PARD3: variants seen among roughly 807,000 people sequenced by gnomAD.
PARD3 encodes the protein partitioning defective 3 homolog.
In PARD3, 75 loss-of-function variants were observed where a neutral mutation model predicts 155.4. The observed-to-expected ratio is 0.48, with a 90% CI of 0.40 to 0.58. The LOEUF is 0.58. Among genes scored for constraint, PARD3 ranks in the 20% least tolerant of loss-of-function variants. PARD3 has a pLI of 0.00. For synonymous variants in PARD3, 576 were observed against 610.5 expected, an observed-to-expected ratio of 0.94 and a Z score of 0.83; for missense variants, 1,642 against 1,721.7, an observed-to-expected ratio of 0.95 and a Z score of 0.82.
intron 22 of PARD3, among the ~76,000 whole-genome samples, chr10:34,213,965 A>G (rs1445763711): frequency 6.6e-5 from 10 of 152,100 alleles, no homozygotes; most frequent in Non-Finnish European, 4.4e-5. Context: ...GTGTGATCAT[A>G]GCTCACTGTA....
At chr10:34,725,757 T>C (rs938289693) in intron 1 of PARD3, among the ~76,000 whole-genome samples, 5 of 152,224 alleles carry the variant, frequency 3.3e-5, no homozygotes, top group Non-Finnish European at 7.3e-5. Flanking sequence ...GAAACTCAGA[T>C]GACACAATGT....
chr10:34,789,803 C>T (rs1841427886), intron 1 of PARD3, among the ~76,000 whole-genome samples: 1 of 152,170 alleles, frequency 6.6e-6, no homozygotes, highest in African/African-American at 2.4e-5. Context: ...GTAGATTATT[C>T]TGGGTGGTAA....
At chr10:34,611,304 T>A (rs1456575260) in intron 2 of PARD3, among the ~76,000 whole-genome samples, 1 of 152,218 alleles carries the variant, frequency 6.6e-6, no homozygotes, top group African/African-American at 2.4e-5. Flanking sequence ...ATAAATGTTT[T>A]CCATCACAAC....
At chr10:34,812,232 G>A (rs1222107388) in intron 1 of PARD3, among the ~76,000 whole-genome samples, 1 of 152,164 alleles carries the variant, frequency 6.6e-6, no homozygotes, top group Admixed American at 6.5e-5. Flanking sequence ...TGAGAGTTGG[G>A]ACCTTTCTCT....
intron 22 of PARD3, among the ~76,000 whole-genome samples, chr10:34,211,382 G>A (rs1440305205): frequency 6.6e-6 from 1 of 152,212 alleles, no homozygotes; most frequent in African/African-American, 2.4e-5. Flanking sequence ...CGGGAAGGGA[G>A]TGAGGATACA....
At chr10:34,446,939 A>C (rs2132725243) in intron 5 of PARD3, among the ~76,000 whole-genome samples, 1 of 152,364 alleles carries the variant, frequency 6.6e-6, no homozygotes. Context: ...AAAACAATTT[A>C]TTCCAGCATT....
intron 2 of PARD3, among the ~76,000 whole-genome samples, chr10:34,530,156 A>C (rs2082746332): frequency 6.6e-6 from 1 of 152,202 alleles, no homozygotes; most frequent in Admixed American, 6.5e-5. Flanking sequence ...CAGAGGCAGA[A>C]GAAGTGGAGA....
At chr10:34,642,489 C>G (rs1352464840) in intron 2 of PARD3, among the ~76,000 whole-genome samples, 1 of 152,084 alleles carries the variant, frequency 6.6e-6, no homozygotes, top group Non-Finnish European at 1.5e-5. Context: ...TGAGTCACTC[C>G]ACCTGGCGGA....
chr10:34,470,266 G>A lies in PARD3; in HGVS notation c.404-3C>T. 6.3e-7 allele frequency: 1 copy of A among 1,577,682 alleles called. No homozygotes were observed. Among genetic ancestry groups the A allele is most frequent in the Non-Finnish European group, 8.6e-7 (1 of 1,160,160 alleles). ...GCGTCGAACATGAAGAGGCATATCT[G>A]TAAACACAAAAGCACTATGCTGAAA... On this transcript the variant is annotated splice_polypyrimidine_tract_variant and splice_region_variant and intron_variant, in intron 3 of 24. Coordinates refer to ENST00000374788, the MANE Select transcript of PARD3 (RefSeq NM_001184785.2).
At chr10:34,348,232 T>A in intron 14 of PARD3, 117 bp from the exon 15 acceptor site, 1 of 827,864 alleles carries the variant, frequency 1.2e-6, no homozygotes, top group Non-Finnish European at 1.8e-6. Context: ...CCAAATGAAC[T>A]AGAACTTTTC....
intron 2 of PARD3, among the ~76,000 whole-genome samples, chr10:34,610,851 A>T (rs1418234415): frequency 6.6e-6 from 1 of 152,176 alleles, no homozygotes; most frequent in Admixed American, 6.5e-5. Flanking sequence ...ATTACTGAAA[A>T]TATACAAGAC....
At chr10:34,502,546 T>C (rs138844885) in intron 3 of PARD3, among the ~76,000 whole-genome samples, 2,390 of 152,248 alleles carry the variant, frequency 0.016, 31 homozygotes, top group Middle Eastern at 0.024. Flanking sequence ...ATAGCAAGAA[T>C]AGACTAGTAC....
chr10:34,162,006 G>C (rs1949304887), intron 22 of PARD3, among the ~76,000 whole-genome samples: 1 of 152,214 alleles, frequency 6.6e-6, no homozygotes, highest in African/African-American at 2.4e-5. Flanking sequence ...ATGAAACATA[G>C]TCATTGTAGT....
intron 2 of PARD3, among the ~76,000 whole-genome samples, chr10:34,583,668 T>C (rs1163980029): frequency 6.6e-6 from 1 of 152,204 alleles, no homozygotes; most frequent in Non-Finnish European, 1.5e-5. Context: ...GGAAACCTTA[T>C]CTTCCAGAGG....
intron 20 of PARD3, among the ~76,000 whole-genome samples, chr10:34,285,402 C>A (rs1167232857): frequency 6.6e-6 from 1 of 151,828 alleles, no homozygotes; most frequent in East Asian, 1.9e-4. Flanking sequence ...ATAGCGAGAC[C>A]TCGTCTCTAC....
intron 1 of PARD3, among the ~76,000 whole-genome samples, chr10:34,760,802 G>A (rs776107190): frequency 5.9e-5 from 9 of 152,126 alleles, no homozygotes; most frequent in South Asian, 4.1e-4. Context: ...AAGCTTGGAA[G>A]CAGAATGCCC....
intron 22 of PARD3, among the ~76,000 whole-genome samples, chr10:34,136,736 T>C (rs922306098): frequency 1.3e-5 from 2 of 152,188 alleles, no homozygotes; most frequent in Non-Finnish European, 2.9e-5. Flanking sequence ...CCTTCCATCT[T>C]TCCAAATTCT....
At position 34,766,549 on chromosome 10, in the gene PARD3, C is replaced by A. The variant is rs540927248; in HGVS notation, c.120+48327G>T. On this transcript the variant is annotated intron_variant, in intron 1 of 24. Transcript: ENST00000374788. ...ATGGAAAAATCACAGTACAGATACACATTCTAATGAGACTAGACATCAGCC... is the reference window on the plus strand; with the variant it reads ...ATGGAAAAATCACAGTACAGATACAAATTCTAATGAGACTAGACATCAGCC... 5.6e-5 allele frequency among the ~76,000 whole-genome samples: 8 copies of A among 141,862 alleles called. No individual in the cohort carries two copies. The East Asian group carries it at 1.8e-3, about 32-fold the overall frequency. The allele number at this position is 141,862 out of a possible 152,430, so 93.1% of individuals were successfully genotyped here. A position where few individuals can be genotyped will look rare whatever the true frequency, so the allele number is the denominator to read the frequency against.
At chr10:34,497,376 G>T (rs1315370944) in intron 3 of PARD3, among the ~76,000 whole-genome samples, 1 of 152,144 alleles carries the variant, frequency 6.6e-6, no homozygotes, top group Non-Finnish European at 1.5e-5. Flanking sequence ...TGTACAAGAG[G>T]ATGTGTGCAG....
Sources: gnomAD v4.1 joint callset for allele counts (sites outside exome capture counted in the v4.1 genomes callset) on GRCh38, gnomAD v4.1.1 for gene constraint, MANE v1.5 for transcripts, NCBI Gene and HGNC (gene_info 2026-07-23, HGNC 2026-07-21) for gene names.